The following TMEM135 variants were observed in gnomAD, a reference collection of about 807,000 sequenced individuals.
The protein encoded by TMEM135 is peroxisomal membrane protein 52.
A neutral mutation model predicts 60.3 loss-of-function variants in TMEM135; 30 were observed. The ratio of observed to expected loss-of-function variants is 0.50; its 90% CI spans 0.37 to 0.68. The LOEUF is 0.68. Among genes scored for constraint, TMEM135 ranks in the 30% least tolerant of loss-of-function variants. The pLI, the probability that TMEM135 is intolerant of heterozygous loss-of-function variation, is 0.00. For missense variants in TMEM135, 468 were observed against 548.8 expected (o/e 0.85, Z 1.47); for synonymous variants, 190 against 186.7 (o/e 1.02, Z -0.14).
At chr11:87,155,067 T>C (rs603676) in intron 4 of TMEM135, among the ~76,000 whole-genome samples, 62,679 of 148,496 alleles carry the variant, frequency 0.42, 14,060 homozygotes, top group East Asian at 0.67. Context: ...GGTGCGATCT[T>C]GGCTCACTGC....
intron 5 of TMEM135, among the ~76,000 whole-genome samples, chr11:87,226,365 T>A (rs143017190): frequency 3.0e-4 from 46 of 152,344 alleles, no homozygotes; most frequent in Non-Finnish European, 4.7e-4. Context: ...TGATTGTTAT[T>A]TGACCATTGA....
chr11:87,153,463 A>T (rs1938610888), intron 4 of TMEM135, among the ~76,000 whole-genome samples: 2 of 152,270 alleles, frequency 1.3e-5, no homozygotes, highest in African/African-American at 4.8e-5. Flanking sequence ...TATTACTGTC[A>T]TTATCGTTGT....
At chr11:87,124,295 C>T (rs1363100087) in intron 4 of TMEM135, among the ~76,000 whole-genome samples, 2 of 152,180 alleles carry the variant, frequency 1.3e-5, no homozygotes, top group South Asian at 2.1e-4. Flanking sequence ...TCTACGGGAA[C>T]TTAGCAGCAG....
At chr11:87,260,869 A>C (rs1856393351) in intron 6 of TMEM135, among the ~76,000 whole-genome samples, 1 of 152,202 alleles carries the variant, frequency 6.6e-6, no homozygotes, top group Non-Finnish European at 1.5e-5. Context: ...GAATCTTTTA[A>C]AAATGCAGAT....
intron 5 of TMEM135, among the ~76,000 whole-genome samples, chr11:87,169,884 C>G (rs910015943): frequency 6.6e-6 from 1 of 152,104 alleles, no homozygotes; most frequent in Admixed American, 6.6e-5. Context: ...GGGTAATATC[C>G]TGAAGAGTGT....
intron 1 of TMEM135, among the ~76,000 whole-genome samples, chr11:87,041,283 ATTT>A (rs36088444): frequency 1.2e-4 from 18 of 145,636 alleles, no homozygotes; most frequent in Non-Finnish European, 1.4e-4. Context: ...TTCGGTTCTC[ATTT>A]TTTTTTTTTT....
chr11:87,298,786 C>CAAAAAA (rs59740138), intron 7 of TMEM135, among the ~76,000 whole-genome samples: 19,629 of 57,180 alleles, frequency 0.34, 4,543 homozygotes, highest in Non-Finnish European at 0.44. Context: ...GACTCTGTCT[C>CAAAAAA]AAAAAAAAAA....
intron 4 of TMEM135, among the ~76,000 whole-genome samples, chr11:87,115,871 A>G (rs1398370767): frequency 1.3e-5 from 2 of 152,092 alleles, no homozygotes; most frequent in Non-Finnish European, 2.9e-5. Context: ...ATCCTAGGGA[A>G]ACTTGTAGCA....
At chr11:87,205,815 C>T (rs1338329459) in intron 5 of TMEM135, among the ~76,000 whole-genome samples, 3 of 152,136 alleles carry the variant, frequency 2.0e-5, no homozygotes, top group African/African-American at 7.2e-5. Context: ...GTCTGTGCCA[C>T]ATTCTCTGCC....
rs1312077203 is a variant in TMEM135, at chr11:87,323,028, C to T, written c.*1695C>T. The T allele has an allele frequency of 2.2e-6, 1 of 454,264 alleles. No individual in the cohort carries two copies. Among genetic ancestry groups the T allele is most frequent in the African/African-American group, 2.0e-5 (1 of 49,996 alleles). 28.1% of individuals were successfully genotyped at this position (454,264 alleles called of 1,614,324 possible). ...TGAAGTACTAAAGCCCTGAGAACTG[C>T]ACCTCATTTTCTTTATCCAGAAATT... On this transcript the variant is annotated 3_prime_UTR_variant, in exon 15 of 15. Transcript: ENST00000305494.
intron 4 of TMEM135, among the ~76,000 whole-genome samples, chr11:87,131,108 A>G (rs953345680): frequency 6.6e-6 from 1 of 152,058 alleles, no homozygotes; most frequent in African/African-American, 2.4e-5. Context: ...CCTTGAGTGG[A>G]AAGTACAGAG....
chr11:87,148,166 A>G (rs535478465), intron 4 of TMEM135, among the ~76,000 whole-genome samples: 16 of 152,240 alleles, frequency 1.1e-4, no homozygotes, highest in Non-Finnish European at 1.8e-4. Flanking sequence ...AACTCAAAAG[A>G]AAGAGACATT....
intron 4 of TMEM135, among the ~76,000 whole-genome samples, chr11:87,091,896 G>A (rs748912748): frequency 6.7e-6 from 1 of 150,104 alleles, no homozygotes; most frequent in South Asian, 2.1e-4. Flanking sequence ...TGAAGTTAAT[G>A]TTATGTTGTT....
chr11:87,159,617 A>ACACACACACACACACACCCCCCCC (rs140303858), intron 5 of TMEM135, among the ~76,000 whole-genome samples: 1 of 149,342 alleles, frequency 6.7e-6, no homozygotes, highest in African/African-American at 2.5e-5. Context: ...ACACACACAC[A>ACACACACACACACACACCCCCCCC]CCATAGATTT....
intron 1 of TMEM135, among the ~76,000 whole-genome samples, chr11:87,060,878 G>A (rs1200701337): frequency 2.6e-5 from 4 of 152,004 alleles, no homozygotes; most frequent in African/African-American, 9.7e-5. Context: ...TCCTGACCTC[G>A]TGATCTGCCC....
At chr11:87,266,802 C>T (rs554464170) in intron 6 of TMEM135, among the ~76,000 whole-genome samples, 8 of 152,272 alleles carry the variant, frequency 5.3e-5, no homozygotes, top group East Asian at 1.9e-4. Flanking sequence ...TGTGGTTTGA[C>T]GTACTTGTTT....
At chr11:87,283,161 C>G (rs1053867876) in intron 6 of TMEM135, among the ~76,000 whole-genome samples, 3 of 151,470 alleles carry the variant, frequency 2.0e-5, no homozygotes, top group African/African-American at 7.3e-5. Context: ...ATGGTGAAAC[C>G]CTGTCTCTAC....
At chr11:87,109,377 C>G (rs1857684136) in intron 4 of TMEM135, among the ~76,000 whole-genome samples, 3 of 152,030 alleles carry the variant, frequency 2.0e-5, no homozygotes, top group African/African-American at 7.2e-5. Context: ...ACAACAATAG[C>G]TACAATAAAA....
intron 6 of TMEM135, among the ~76,000 whole-genome samples, chr11:87,267,652 G>A (rs907978299): frequency 2.0e-5 from 3 of 152,076 alleles, no homozygotes; most frequent in Non-Finnish European, 4.4e-5. Context: ...TTATATACGT[G>A]ATATACATTT....
Sources: gnomAD v4.1 joint callset for allele counts (sites outside exome capture counted in the v4.1 genomes callset) on GRCh38, gnomAD v4.1.1 for gene constraint, MANE v1.5 for transcripts, NCBI Gene and HGNC (gene_info 2026-07-23, HGNC 2026-07-21) for gene names.